The following PRKN variants were observed in gnomAD, a reference collection of about 807,000 sequenced individuals.
PRKN encodes E3 ubiquitin-protein ligase parkin.
In PRKN, 56 loss-of-function variants were observed where a neutral mutation model predicts 59.5. That is an observed-to-expected ratio of 0.94 (90% CI 0.76 to 1.18). The LOEUF (loss-of-function observed/expected upper bound fraction) is 1.18, where lower values mean the gene tolerates loss of function less well. Ranked by LOEUF, PRKN falls within the 50% of genes most tolerant of loss-of-function variation. PRKN has a pLI of 0.00. For synonymous variants in PRKN, 250 were observed against 222.1 expected (o/e 1.13, Z -1.12); for missense variants, 657 against 596.4 (o/e 1.10, Z -1.06).
At chr6:161,477,244 G>C (rs909841765) in intron 9 of PRKN, among the ~76,000 whole-genome samples, 1 of 152,196 alleles carries the variant, frequency 6.6e-6, no homozygotes, top group Non-Finnish European at 1.5e-5. Context: ...TTGGCCAGGC[G>C]CGGTGGCTCA....
intron 1 of PRKN, among the ~76,000 whole-genome samples, chr6:162,634,134 T>C (rs1777620688): frequency 6.6e-6 from 1 of 152,104 alleles, no homozygotes; most frequent in Non-Finnish European, 1.5e-5. Context: ...CATTCACCTC[T>C]CCATACCTGG....
chr6:162,222,104 C>G (rs908514941), intron 3 of PRKN, among the ~76,000 whole-genome samples: 1 of 152,134 alleles, frequency 6.6e-6, no homozygotes, highest in Non-Finnish European at 1.5e-5. Flanking sequence ...CTTTGGACAA[C>G]ATAGGAGGCA....
intron 1 of PRKN, among the ~76,000 whole-genome samples, chr6:162,588,056 G>C (rs1329031401): frequency 3.4e-5 from 5 of 147,824 alleles, no homozygotes; most frequent in Non-Finnish European, 7.4e-5. Context: ...TGTCACCCAA[G>C]CTAGAGTGCA....
chr6:162,429,544 A>G (rs1348363539), intron 2 of PRKN, among the ~76,000 whole-genome samples: 1 of 152,198 alleles, frequency 6.6e-6, no homozygotes, highest in East Asian at 1.9e-4. Context: ...CCTGGCCTTC[A>G]TGGCCTTCTT....
At chr6:162,359,096 A>ATG in intron 2 of PRKN, among the ~76,000 whole-genome samples, 1 of 140,504 alleles carries the variant, frequency 7.1e-6, no homozygotes, top group East Asian at 2.1e-4. Context: ...ATATATATAT[A>ATG]TGAAATCACT....
At chr6:162,212,001 A>G (rs564446117) in intron 3 of PRKN, among the ~76,000 whole-genome samples, 3 of 152,296 alleles carry the variant, frequency 2.0e-5, no homozygotes, top group South Asian at 4.1e-4. Flanking sequence ...ATCAAGACTG[A>G]TAAGACTATG....
chr6:162,397,871 T>C (rs576522668), intron 2 of PRKN, among the ~76,000 whole-genome samples: 1 of 151,984 alleles, frequency 6.6e-6, no homozygotes, highest in Non-Finnish European at 1.5e-5. Flanking sequence ...ACCCCATCTC[T>C]AGTAAAAATA....
rs1379716857 is a variant in PRKN, at chr6:161,463,777, A to C, written c.1084-76900T>G. Among the ~76,000 whole-genome samples the C allele has an allele frequency of 6.6e-6, 1 of 152,184 alleles. No individual in the cohort carries two copies. Among genetic ancestry groups the C allele is most frequent in the African/African-American group, 2.4e-5 (1 of 41,446 alleles). ...GATCAAGTGTCCACTTTGGAAGTATAATCTTTATCTAGTGATCACTTTTCC... is the reference window on the plus strand; with the variant it reads ...GATCAAGTGTCCACTTTGGAAGTATCATCTTTATCTAGTGATCACTTTTCC... On this transcript the variant is annotated intron_variant, in intron 9 of 11. Coordinates refer to ENST00000366898, the MANE Select transcript of PRKN (RefSeq NM_004562.3). The surrounding 1 kb of genome is among the most constrained non-coding windows in gnomAD (Gnocchi z 4.8).
At chr6:162,253,156 G>GC (rs1779505733) in intron 3 of PRKN, among the ~76,000 whole-genome samples, 1 of 152,182 alleles carries the variant, frequency 6.6e-6, no homozygotes, top group Non-Finnish European at 1.5e-5. Flanking sequence ...ATTTGCCGTG[G>GC]AGTCCAAGAG....
At chr6:162,222,268 T>G (rs1454203901) in intron 3 of PRKN, among the ~76,000 whole-genome samples, 2 of 152,136 alleles carry the variant, frequency 1.3e-5, no homozygotes, top group African/African-American at 4.8e-5. Flanking sequence ...AGGATTTTTG[T>G]AGATGTGCAA....
intron 7 of PRKN, among the ~76,000 whole-genome samples, chr6:161,580,717 A>G (rs1781306229): frequency 6.6e-6 from 1 of 151,818 alleles, no homozygotes. Context: ...TGATCTCATG[A>G]TCCACCCGCC....
chr6:161,670,458 T>C (rs1384596941), intron 7 of PRKN, among the ~76,000 whole-genome samples: 1 of 152,120 alleles, frequency 6.6e-6, no homozygotes, highest in Admixed American at 6.6e-5. Context: ...ATCATTCCGA[T>C]CTCTGCCTCT....
chr6:162,121,360 A>T (rs1780908833), intron 4 of PRKN, among the ~76,000 whole-genome samples: 1 of 152,204 alleles, frequency 6.6e-6, no homozygotes, highest in Non-Finnish European at 1.5e-5. Flanking sequence ...GCTTCCGAGC[A>T]TGTGAGGATA....
At position 161,426,894 on chromosome 6, in the gene PRKN, T is replaced by C. The variant is rs575976094; in HGVS notation, c.1084-40017A>G. Among the ~76,000 whole-genome samples the C allele has an allele frequency of 7.3e-5, 11 of 150,064 alleles. No individual in the cohort carries two copies. The East Asian group carries it at 7.8e-4, about 11-fold the overall frequency. ...CCACCACGCCTGGCTAATTTTTTCGTATTTTTAGTAGAGATGGGGTTTCAT... is the reference window on the plus strand; with the variant it reads ...CCACCACGCCTGGCTAATTTTTTCGCATTTTTAGTAGAGATGGGGTTTCAT... On this transcript the variant is annotated intron_variant, in intron 9 of 11. Transcript: ENST00000366898.
chr6:162,504,532 C>T (rs957746090), intron 1 of PRKN, among the ~76,000 whole-genome samples: 10 of 151,954 alleles, frequency 6.6e-5, no homozygotes, highest in South Asian at 4.1e-4. Context: ...TCTTGGTGTA[C>T]GACAGATACA....
At chr6:161,489,156 T>C (rs1180426433) in intron 9 of PRKN, among the ~76,000 whole-genome samples, 1 of 152,218 alleles carries the variant, frequency 6.6e-6, no homozygotes, top group Non-Finnish European at 1.5e-5. Context: ...TTCCTTCCTT[T>C]TCTTAATAGA....
chr6:162,045,444 G>A (rs1473083707), intron 5 of PRKN, among the ~76,000 whole-genome samples: 2 of 152,200 alleles, frequency 1.3e-5, no homozygotes, highest in Non-Finnish European at 2.9e-5. Context: ...CCCAAACTAT[G>A]TTCCTTTCTC....
At chr6:162,509,463 G>A (rs755814494) in intron 1 of PRKN, among the ~76,000 whole-genome samples, 2 of 152,138 alleles carry the variant, frequency 1.3e-5, no homozygotes, top group Non-Finnish European at 2.9e-5. Context: ...TTGAAAAAAT[G>A]TCAATATGCT....
intron 6 of PRKN, among the ~76,000 whole-genome samples, chr6:161,869,763 C>T (rs1225047599): frequency 6.6e-6 from 1 of 152,152 alleles, no homozygotes; most frequent in East Asian, 1.9e-4. Flanking sequence ...TTCCTGCCAA[C>T]TTATTCATTG....
Sources: allele counts gnomAD v4.1 joint callset (sites outside exome capture counted in the v4.1 genomes callset), GRCh38; gene constraint gnomAD v4.1.1; non-coding constraint Gnocchi (gnomAD v3.1); transcripts MANE v1.5; gene names NCBI Gene and HGNC (gene_info 2026-07-23, HGNC 2026-07-21).